Variants in KCNH7 observed in about 807,000 individuals in gnomAD.
KCNH7 encodes potassium voltage-gated channel subfamily H member 7, also known as voltage-gated inwardly rectifying potassium channel KCNH7.
KCNH7 carries 49 observed loss-of-function variants against 120.8 expected under a neutral mutation model. The ratio of observed to expected loss-of-function variants is 0.41; its 90% CI spans 0.32 to 0.51. The LOEUF (loss-of-function observed/expected upper bound fraction) is 0.51. KCNH7 is among the 20% of genes least tolerant of loss of function. KCNH7 has a pLI of 0.38. For synonymous variants in KCNH7, 547 were observed against 516.1 expected, an observed-to-expected ratio of 1.06 and a Z score of -0.81; for missense variants, 1,097 against 1,446.6, an observed-to-expected ratio of 0.76 and a Z score of 3.92.
chr2:162,619,223 C>A (rs1297038935), intron 2 of KCNH7, among the ~76,000 whole-genome samples: 3 of 151,990 alleles, frequency 2.0e-5, no homozygotes, highest in Non-Finnish European at 1.5e-5. Flanking sequence ...AAATATGATA[C>A]AATTCACTTT....
intron 2 of KCNH7, among the ~76,000 whole-genome samples, chr2:162,627,663 TCA>T (rs2105209846): frequency 6.6e-6 from 1 of 152,290 alleles, no homozygotes; most frequent in East Asian, 1.9e-4. Context: ...TGACTTGGAA[TCA>T]CTCAGGAACT....
rs55759945 is a variant in KCNH7, at chr2:162,711,084, T to C, written c.307+125453A>G. On this transcript the variant is annotated intron_variant, in intron 2 of 15. Coordinates refer to ENST00000332142, the MANE Select transcript of KCNH7 (RefSeq NM_033272.4). ...TTCCATGTGTCTGAAAAAATATTTG[T>C]CTAAAAATAATAGGAAAGTCTTTGA... Among the ~76,000 whole-genome samples, 1,258 of 152,308 alleles carry C rather than the reference T, an allele frequency of 8.3e-3. 8 individuals carry two copies. Among genetic ancestry groups the C allele is most frequent in the Non-Finnish European group, 0.013 (912 of 68,016 alleles).
chr2:162,435,795 A>G (rs908490261), intron 7 of KCNH7, among the ~76,000 whole-genome samples, 198 bp from the exon 8 acceptor site: 2 of 152,124 alleles, frequency 1.3e-5, no homozygotes, highest in Non-Finnish European at 2.9e-5. Flanking sequence ...AGTGCATGAC[A>G]CATTAATTCA....
At chr2:162,825,503 C>G (rs1493004) in intron 2 of KCNH7, among the ~76,000 whole-genome samples, 90,547 of 150,918 alleles carry the variant, frequency 0.6, 28,068 homozygotes, top group South Asian at 0.84. Context: ...TACCTTTTTG[C>G]TGTTATAATT....
At chr2:162,713,484 G>T (rs1198578851) in intron 2 of KCNH7, among the ~76,000 whole-genome samples, 1 of 151,904 alleles carries the variant, frequency 6.6e-6, no homozygotes, top group Non-Finnish European at 1.5e-5. Context: ...TGATTATGAA[G>T]AATTACATAA....
intron 1 of KCNH7, 39 bp from the exon 2 acceptor site, chr2:162,836,806 TC>T (rs750313066): frequency 1.2e-5 from 17 of 1,431,382 alleles, no homozygotes; most frequent in Non-Finnish European, 1.7e-5. Flanking sequence ...TGAAAAAGCT[TC>T]CACAATATTC....
At chr2:162,826,051 G>A (rs766492948) in intron 2 of KCNH7, among the ~76,000 whole-genome samples, 1 of 151,884 alleles carries the variant, frequency 6.6e-6, no homozygotes, top group Non-Finnish European at 1.5e-5. Flanking sequence ...TTGTTGAAGT[G>A]GTGAAATCCT....
intron 2 of KCNH7, among the ~76,000 whole-genome samples, chr2:162,772,394 T>C (rs1683089056): frequency 6.6e-6 from 1 of 152,220 alleles, no homozygotes; most frequent in African/African-American, 2.4e-5. Context: ...GTTTTCAGGT[T>C]CTTGTATCCA....
intron 2 of KCNH7, among the ~76,000 whole-genome samples, chr2:162,725,721 C>T (rs1248214162): frequency 6.6e-6 from 1 of 152,154 alleles, no homozygotes; most frequent in Non-Finnish European, 1.5e-5. Context: ...CCCAGAGGGA[C>T]ATTATGAAAC....
intron 2 of KCNH7, among the ~76,000 whole-genome samples, chr2:162,679,465 A>T (rs1263498356): frequency 6.6e-6 from 1 of 151,372 alleles, no homozygotes; most frequent in East Asian, 1.9e-4. Context: ...ACCTTTAAAA[A>T]CTCCTAAAGT....
At position 162,507,531 on chromosome 2, in the gene KCNH7, C is replaced by T. The variant is rs143541987; in HGVS notation, c.914-2874G>A. Among the ~76,000 whole-genome samples the T allele has an allele frequency of 4.0e-4, 60 of 151,692 alleles. 1 individual carries two copies. The East Asian group carries it at 1.0e-2, about 25-fold the overall frequency. ...CAACTTCTCTATAATGTCTCAATTG[C>T]CATTTCATTTTCCATTCCATCTTCA... On this transcript the variant is annotated intron_variant, in intron 5 of 15. Coordinates refer to ENST00000332142, the MANE Select transcript of KCNH7 (RefSeq NM_033272.4).
intron 2 of KCNH7, among the ~76,000 whole-genome samples, chr2:162,631,204 G>T (rs1410736031): frequency 6.6e-6 from 1 of 151,998 alleles, no homozygotes; most frequent in African/African-American, 2.4e-5. Flanking sequence ...GTTGTAACAG[G>T]GTTCTGCTGC....
chr2:162,455,398 C>CT (rs1400735968), intron 6 of KCNH7, among the ~76,000 whole-genome samples: 1 of 151,972 alleles, frequency 6.6e-6, no homozygotes, highest in South Asian at 2.1e-4. Context: ...GAAGTTTTCT[C>CT]TTTTTTGTGT....
intron 2 of KCNH7, among the ~76,000 whole-genome samples, chr2:162,612,064 G>T (rs1386610598): frequency 6.6e-6 from 1 of 152,158 alleles, no homozygotes; most frequent in Non-Finnish European, 1.5e-5. Flanking sequence ...AATGTGAAAA[G>T]CCCTATGAAT....
At chr2:162,826,590 T>G (rs1487778436) in intron 2 of KCNH7, among the ~76,000 whole-genome samples, 1 of 152,140 alleles carries the variant, frequency 6.6e-6, no homozygotes, top group Non-Finnish European at 1.5e-5. Flanking sequence ...TAGAGATTGA[T>G]TTTCACCATT....
intron 2 of KCNH7, among the ~76,000 whole-genome samples, chr2:162,704,579 A>C (rs953500941): frequency 1.1e-4 from 16 of 152,212 alleles, no homozygotes; most frequent in Non-Finnish European, 1.6e-4. Context: ...TATGTGGTTC[A>C]AAAATCCACA....
chr2:162,537,463 TA>T lies in KCNH7; in HGVS notation c.308-384del, dbSNP rs1357493179. The stretch of plus-strand genomic sequence containing the variant: ...TGAATCTCTATAAAATATAGCTGTA[TA>T]AAAAATGAAGGCAACTCATGTCATC... On this transcript the variant is annotated intron_variant, in intron 2 of 15. Transcript: ENST00000332142. Among the ~76,000 whole-genome samples, 7 of 152,026 alleles carry T rather than the reference TA, an allele frequency of 4.6e-5. No homozygotes were observed. The South Asian group carries it at 1.2e-3, about 27-fold the overall frequency.
At chr2:162,403,086 C>T (rs892201776) in intron 9 of KCNH7, among the ~76,000 whole-genome samples, 8 of 151,854 alleles carry the variant, frequency 5.3e-5, no homozygotes, top group South Asian at 2.1e-4. Flanking sequence ...TAAGAATGTG[C>T]GTAAACCCTT....
chr2:162,564,930 G>T (rs1406369034), intron 2 of KCNH7, among the ~76,000 whole-genome samples: 1 of 151,996 alleles, frequency 6.6e-6, no homozygotes, highest in South Asian at 2.1e-4. Context: ...CTAATGTTGG[G>T]CTAGACATGT....
Sources: allele counts gnomAD v4.1 joint callset (sites outside exome capture counted in the v4.1 genomes callset), GRCh38; gene constraint gnomAD v4.1.1; transcripts MANE v1.5; gene names NCBI Gene and HGNC (gene_info 2026-07-23, HGNC 2026-07-21).